The following TSPAN5 variants were observed in gnomAD, a reference collection of about 807,000 sequenced individuals.
TSPAN5 encodes tetraspanin 5, also known as tetraspanin-5.
In TSPAN5, 10 loss-of-function variants were observed where a neutral mutation model predicts 37.1. That is an observed-to-expected ratio of 0.27 (90% confidence interval 0.17 to 0.46). The LOEUF is 0.46. Ranked by LOEUF, TSPAN5 falls within the 20% of genes least tolerant of loss-of-function variation. TSPAN5 has a pLI of 1.00. For synonymous variants in TSPAN5, 110 were observed against 118.9 expected, an observed-to-expected ratio of 0.93 and a Z score of 0.48; for missense variants, 195 against 326.6, an observed-to-expected ratio of 0.60 and a Z score of 3.11.
chr4:98,620,371 C>T lies in TSPAN5; in HGVS notation c.81+37775G>A, dbSNP rs141044964. ...GAGTCATCCCAGTCCAGACAGCAGG[C>T]ATACACACCTGAGGAAGCTCCCTTA... On this transcript the variant is annotated intron_variant, in intron 1 of 7. Transcript: ENST00000305798. Among the ~76,000 whole-genome samples, 230 of 152,278 alleles carry T rather than the reference C, an allele frequency of 1.5e-3. 1 individual carries two copies. The highest frequency in any genetic ancestry group is 5.2e-3 in the African/African-American group (216 of 41,564).
rs11938413 is a variant in TSPAN5 at position 98,590,752 on chromosome 4, C to T, written c.81+67394G>A. 4.7e-3 allele frequency among the ~76,000 whole-genome samples: 721 copies of T among 151,948 alleles called. 8 individuals carry two copies. The highest frequency in any genetic ancestry group is 0.017 in the African/African-American group (696 of 41,422). On this transcript the variant is annotated intron_variant, in intron 1 of 7. Transcript: ENST00000305798. ...AGAGAGAGAGATGAATTAACTTGTC[C>T]GAGGTCACAGTGCTGATCAGTGTCA...
intron 1 of TSPAN5, among the ~76,000 whole-genome samples, chr4:98,531,412 T>C (rs1754084557): frequency 6.6e-6 from 1 of 152,234 alleles, no homozygotes; most frequent in Non-Finnish European, 1.5e-5. Context: ...TCCTTTTTTA[T>C]GGCTGCATAG....
intron 2 of TSPAN5, among the ~76,000 whole-genome samples, chr4:98,501,330 T>C (rs1367932422): frequency 6.6e-6 from 1 of 152,232 alleles, no homozygotes; most frequent in Non-Finnish European, 1.5e-5. Flanking sequence ...CTGACTTCTA[T>C]AACTCCATGA....
chr4:98,500,591 G>T (rs1306380789), intron 2 of TSPAN5, among the ~76,000 whole-genome samples: 1 of 152,118 alleles, frequency 6.6e-6, no homozygotes, highest in African/African-American at 2.4e-5. Flanking sequence ...TCTGTGCCTT[G>T]GTTTCCCCAC....
intron 1 of TSPAN5, among the ~76,000 whole-genome samples, chr4:98,631,765 T>G (rs1251089003): frequency 6.6e-6 from 1 of 152,222 alleles, no homozygotes; most frequent in Non-Finnish European, 1.5e-5. Flanking sequence ...GCAAAGCATG[T>G]TCTCCTGGAT....
intron 2 of TSPAN5, 43 bp from the exon 3 acceptor site, chr4:98,486,927 G>A (rs1752973402): frequency 6.3e-7 from 1 of 1,599,446 alleles, no homozygotes; most frequent in African/African-American, 1.3e-5. Context: ...GGGGATGTGG[G>A]GTCAGTTTTC....
intron 1 of TSPAN5, among the ~76,000 whole-genome samples, chr4:98,622,948 C>T (rs1192142848): frequency 6.6e-6 from 1 of 152,090 alleles, no homozygotes; most frequent in Admixed American, 6.5e-5. Context: ...TGAGCAAAGA[C>T]AAAAGAGACT....
chr4:98,568,979 C>G (rs1442263359), intron 1 of TSPAN5, among the ~76,000 whole-genome samples: 1 of 152,220 alleles, frequency 6.6e-6, no homozygotes, highest in African/African-American at 2.4e-5. Context: ...TCAGGACCCA[C>G]TGGCAAAGTC....
chr4:98,490,871 T>C (rs1283796539), intron 2 of TSPAN5, among the ~76,000 whole-genome samples: 3 of 151,792 alleles, frequency 2.0e-5, no homozygotes, highest in Non-Finnish European at 4.4e-5. Context: ...CCATCCTGGC[T>C]AACATGGTGA....
chr4:98,620,647 G>T (rs1405150264), intron 1 of TSPAN5, among the ~76,000 whole-genome samples: 2 of 152,208 alleles, frequency 1.3e-5, no homozygotes, highest in Non-Finnish European at 2.9e-5. Flanking sequence ...TTAGGGCTGC[G>T]ATCTGAAGGG....
chr4:98,539,159 A>C (rs1476885662), intron 1 of TSPAN5, among the ~76,000 whole-genome samples: 1 of 151,980 alleles, frequency 6.6e-6, no homozygotes, highest in Non-Finnish European at 1.5e-5. Context: ...AAAAAAAACC[A>C]AAAAACCTTT....
intron 1 of TSPAN5, among the ~76,000 whole-genome samples, chr4:98,610,802 C>T (rs1053832331): frequency 5.3e-5 from 8 of 152,132 alleles, no homozygotes; most frequent in Non-Finnish European, 1.0e-4. Flanking sequence ...CAGGGAGGAA[C>T]GAGGACTAAT....
At chr4:98,654,040 C>T (rs547881812) in intron 1 of TSPAN5, among the ~76,000 whole-genome samples, 59 of 152,304 alleles carry the variant, frequency 3.9e-4, no homozygotes, top group African/African-American at 1.0e-3. Context: ...GAAGAAGCCA[C>T]GTGTAGGTAG....
Position 98,471,407 on chromosome 4 carries a change from G to A in TSPAN5, c.*1115C>T, listed in dbSNP as rs1000079768. ...GGGAAGCATTTGGATGGTACAGCTG[G>A]TCTCTTCCCAGCCAGACTGGGAGGA... On this transcript the variant is annotated 3_prime_UTR_variant, in exon 8 of 8. Transcript: ENST00000305798. The A allele has an allele frequency of 3.3e-5, 5 of 152,098 alleles. No homozygotes were observed. The highest frequency in any genetic ancestry group is 1.2e-4 in the African/African-American group (5 of 41,412). The allele number at this position is 152,098 out of a possible 1,614,324, so 9.4% of individuals were successfully genotyped here. A position where few individuals can be genotyped will look rare whatever the true frequency, so the allele number is the denominator to read the frequency against.
intron 3 of TSPAN5, 188 bp downstream of exon 3, chr4:98,486,550 T>TA: frequency 1.7e-6 from 1 of 600,692 alleles, no homozygotes; most frequent in Non-Finnish European, 2.9e-6. Flanking sequence ...GGGGTGGTGT[T>TA]GTACTTATTA....
chr4:98,533,946 A>AAAAACAAAAAC (rs1553912211), intron 1 of TSPAN5, among the ~76,000 whole-genome samples: 22 of 140,256 alleles, frequency 1.6e-4, no homozygotes, highest in Non-Finnish European at 3.1e-4. Context: ...TCTTAAAAAA[A>AAAAACAAAAAC]AAAAAAAAAA....
At chr4:98,624,173 T>C (rs1478925855) in intron 1 of TSPAN5, among the ~76,000 whole-genome samples, 1 of 151,940 alleles carries the variant, frequency 6.6e-6, no homozygotes, top group African/African-American at 2.4e-5. Flanking sequence ...AAAACCCAAA[T>C]AGAAGTTATT....
intron 1 of TSPAN5, among the ~76,000 whole-genome samples, chr4:98,592,427 TG>T (rs796681560): frequency 0.043 from 4,121 of 96,364 alleles, 175 homozygotes; most frequent in South Asian, 0.19. Flanking sequence ...CTCTGTTTTT[TG>T]TTTTTTTTTT....
intron 1 of TSPAN5, among the ~76,000 whole-genome samples, chr4:98,561,171 A>T (rs181779226): frequency 6.6e-6 from 1 of 152,356 alleles, no homozygotes; most frequent in Non-Finnish European, 1.5e-5. Context: ...TATCCACTCC[A>T]TGCTCTCTTC....
Sources: allele counts gnomAD v4.1 joint callset (sites outside exome capture counted in the v4.1 genomes callset), GRCh38; gene constraint gnomAD v4.1.1; transcripts MANE v1.5; gene names NCBI Gene and HGNC (gene_info 2026-07-23, HGNC 2026-07-21).